The following SLCO1C1 variants were observed in gnomAD, a reference collection of about 807,000 sequenced individuals.
The protein encoded by SLCO1C1 is OAT-RP-5.
Under a neutral mutation model 76.4 loss-of-function variants are expected in SLCO1C1, and 70 were observed. That is an observed-to-expected ratio of 0.92 (90% CI 0.76 to 1.12). SLCO1C1 has a LOEUF of 1.12. Among genes scored for constraint, SLCO1C1 ranks in the 50% most tolerant of loss-of-function variants. The pLI, the probability that SLCO1C1 is intolerant of heterozygous loss-of-function variation, is 0.00. For synonymous variants in SLCO1C1, 306 were observed against 286.1 expected, an observed-to-expected ratio of 1.07 and a Z score of -0.70; for missense variants, 912 against 823.8, an observed-to-expected ratio of 1.11 and a Z score of -1.31.
chr12:20,732,883 A>C, intron 9 of SLCO1C1, 26 bp from the exon 10 acceptor site: 1 of 1,610,908 alleles, frequency 6.2e-7, no homozygotes, highest in Non-Finnish European at 8.5e-7. Context: ...AGATTCACAA[A>C]ATGATATATT....
At chr12:20,735,538 TACAA>T (rs1448429403) in intron 10 of SLCO1C1, among the ~76,000 whole-genome samples, 21 of 152,198 alleles carry the variant, frequency 1.4e-4, no homozygotes, top group Admixed American at 5.9e-4. Context: ...TTTCAGATAA[TACAA>T]ACAGTCTCAG....
chr12:20,746,693 A>C lies in SLCO1C1; in HGVS notation c.1798+3324A>C, dbSNP rs1949060177. 2.6e-5 allele frequency among the ~76,000 whole-genome samples: 4 copies of C among 152,322 alleles called. No homozygotes were observed. The South Asian group carries it at 8.3e-4, about 32-fold the overall frequency. On this transcript the variant is annotated intron_variant, in intron 13 of 14. Transcript: ENST00000266509. ...TTTGCCTGAAGTAAACTGAACCTGA[A>C]TCTAACAAGATCTAACTACCAGATT...
At chr12:20,747,534 G>C (rs1554146) in intron 13 of SLCO1C1, among the ~76,000 whole-genome samples, 66,273 of 151,930 alleles carry the variant, frequency 0.44, 17,187 homozygotes, top group South Asian at 0.63. Flanking sequence ...ATATCATTCT[G>C]TCTGCTTTTG....
At chr12:20,740,097 G>A in intron 11 of SLCO1C1, 87 bp from the exon 12 acceptor site, 1 of 1,287,876 alleles carries the variant, frequency 7.8e-7, no homozygotes, top group South Asian at 1.5e-5. Context: ...CATAATGCAT[G>A]GCTACGGTAA....
intron 3 of SLCO1C1, 72 bp from the exon 4 acceptor site, chr12:20,705,877 C>A: frequency 6.8e-7 from 1 of 1,468,084 alleles, no homozygotes; most frequent in Non-Finnish European, 9.4e-7. Flanking sequence ...CTGCTGTATA[C>A]ATTCATTCAG....
At chr12:20,730,426 AT>A (rs1948216139) in intron 9 of SLCO1C1, among the ~76,000 whole-genome samples, 1 of 152,242 alleles carries the variant, frequency 6.6e-6, no homozygotes. Flanking sequence ...CTACTTCCAC[AT>A]TTTAAAAAAT....
At chr12:20,698,554 A>G (rs1304757737) in intron 1 of SLCO1C1, among the ~76,000 whole-genome samples, 1 of 152,078 alleles carries the variant, frequency 6.6e-6, no homozygotes, top group Non-Finnish European at 1.5e-5. Context: ...TGAACACAAA[A>G]CAAGCATTGC....
rs746748482 is a variant in SLCO1C1, at chr12:20,711,516, A to C, written c.529+6A>C. 2 of 1,612,544 alleles carry C rather than the reference A, an allele frequency of 1.2e-6. No individual in the cohort carries two copies. Among genetic ancestry groups the C allele is most frequent in the Admixed American group, 3.3e-5 (2 of 59,778 alleles). On this transcript the variant is annotated splice_donor_region_variant and intron_variant, in intron 5 of 14. Coordinates refer to ENST00000266509, the MANE Select transcript of SLCO1C1 (RefSeq NM_017435.5). The stretch of plus-strand genomic sequence containing the variant: ...AAAATCCAAAATAAGTAACGGTAAG[A>C]TCATTTTTTTGACTTGACTAAACAA...
At chr12:20,725,504 A>G (rs1376090404) in intron 9 of SLCO1C1, among the ~76,000 whole-genome samples, 1 of 147,532 alleles carries the variant, frequency 6.8e-6, no homozygotes, top group Non-Finnish European at 1.5e-5. Flanking sequence ...ATAATAGTTA[A>G]AAGCAGAAAA....
intron 3 of SLCO1C1, among the ~76,000 whole-genome samples, chr12:20,703,177 T>C (rs1386702097): frequency 6.6e-6 from 1 of 151,904 alleles, no homozygotes; most frequent in Non-Finnish European, 1.5e-5. Flanking sequence ...TCCAGACAAA[T>C]GACTTCGCTG....
intron 1 of SLCO1C1, chr12:20,697,274 CAGA>C (rs1946310111): frequency 6.6e-6 from 1 of 151,974 alleles, no homozygotes; most frequent in Admixed American, 6.6e-5. Context: ...TCCCCAAAAA[CAGA>C]AGGCCAATTT....
intron 1 of SLCO1C1, among the ~76,000 whole-genome samples, chr12:20,698,662 C>T (rs1946378646): frequency 6.6e-6 from 1 of 151,986 alleles, no homozygotes; most frequent in Non-Finnish European, 1.5e-5. Context: ...CATTATTCCA[C>T]TCCTATTATG....
chr12:20,702,355 T>G (rs1273235653), intron 3 of SLCO1C1, among the ~76,000 whole-genome samples: 1 of 151,982 alleles, frequency 6.6e-6, no homozygotes, highest in African/African-American at 2.4e-5. Flanking sequence ...AAAAATAAAA[T>G]GAATAAGTAA....
chr12:20,750,639 T>C lies in SLCO1C1; in HGVS notation c.1799-36T>C, dbSNP rs201762713. 3.5e-5 allele frequency: 55 copies of C among 1,575,734 alleles called. No individual in the cohort carries two copies. In the Admixed American group the frequency reaches 4.8e-4, roughly 14 times the overall value. On this transcript the variant is annotated intron_variant, in intron 13 of 14. Transcript: ENST00000266509. ...TCGTTCATAGACAAAAAGATGTGCA[T>C]ATGTTTTTAACAGCAATTATTTGTT...
At chr12:20,719,936 T>G (rs964474711) in intron 7 of SLCO1C1, among the ~76,000 whole-genome samples, 9 of 152,232 alleles carry the variant, frequency 5.9e-5, no homozygotes, top group Admixed American at 4.6e-4. Context: ...AGATGCCATC[T>G]AGGACCTTCA....
chr12:20,751,863 G>A (rs1005605678), intron 14 of SLCO1C1, among the ~76,000 whole-genome samples: 1 of 152,134 alleles, frequency 6.6e-6, no homozygotes, highest in Non-Finnish European at 1.5e-5. Context: ...ATTCCCATTA[G>A]CATTTCTTTA....
rs1178649432 is a variant in SLCO1C1 at position 20,695,631 on chromosome 12, T to C, written c.-202T>C. On this transcript the variant is annotated 5_prime_UTR_variant, in exon 1 of 15. Transcript: ENST00000266509. ...CTCAGGGGTGAGACCATGCCCTTCATCTTTTCTTTTCCCTAATCTCCTCTG... is the reference window on the plus strand; with the variant it reads ...CTCAGGGGTGAGACCATGCCCTTCACCTTTTCTTTTCCCTAATCTCCTCTG... 6.6e-6 allele frequency: 1 copy of C among 151,986 alleles called. No individual in the cohort carries two copies. The highest frequency in any genetic ancestry group is 1.5e-5 in the Non-Finnish European group (1 of 67,996). 9.4% of individuals were successfully genotyped at this position (151,986 alleles called of 1,614,324 possible). A position where few individuals can be genotyped will look rare whatever the true frequency, so the allele number is the denominator to read the frequency against.
In SLCO1C1 at chr12:20,699,719, G is replaced by C. The variant is rs574408290; in HGVS notation, c.129+14G>C. On this transcript the variant is annotated intron_variant, in intron 2 of 14. Coordinates refer to ENST00000266509, the MANE Select transcript of SLCO1C1 (RefSeq NM_017435.5). ...GGTGAACTAAAGGTAGAGCAACCAA[G>C]AAGTAAATAGTGTTGATGCTCTTAG... 30 of 1,600,458 alleles carry C rather than the reference G, an allele frequency of 1.9e-5. No homozygotes were observed. Among genetic ancestry groups the C allele is most frequent in the Non-Finnish European group, 2.5e-5 (29 of 1,174,678 alleles).
intron 12 of SLCO1C1, among the ~76,000 whole-genome samples, chr12:20,740,787 T>TTATATA (rs71039980): frequency 0.026 from 1,979 of 74,980 alleles, 118 homozygotes; most frequent in African/African-American, 0.074. Flanking sequence ...TTTATTTTAT[T>TTATATA]TATATATATA....
Sources: gnomAD v4.1 joint callset for allele counts (sites outside exome capture counted in the v4.1 genomes callset) on GRCh38, gnomAD v4.1.1 for gene constraint, MANE v1.5 for transcripts, NCBI Gene and HGNC (gene_info 2026-07-23, HGNC 2026-07-21) for gene names.